The following LONP1 variants were observed in gnomAD, a reference collection of about 807,000 sequenced individuals.
LONP1 encodes lon protease homolog, mitochondrial.
Under a neutral mutation model 98.5 loss-of-function variants are expected in LONP1, and 31 were observed. The ratio of observed to expected loss-of-function variants is 0.31; its 90% CI spans 0.24 to 0.42. The LOEUF (loss-of-function observed/expected upper bound fraction) is 0.42. Ranked by LOEUF, LONP1 falls within the 20% of genes least tolerant of loss-of-function variation. LONP1 has a pLI of 1.00. For synonymous variants in LONP1, 781 were observed against 594.7 expected (o/e 1.31, Z -4.56); for missense variants, 1,336 against 1,350.6 (o/e 0.99, Z 0.17).
chr19:5,694,053 A>G (rs907373561), intron 15 of LONP1, among the ~76,000 whole-genome samples: 1 of 152,158 alleles, frequency 6.6e-6, no homozygotes, highest in Admixed American at 6.5e-5. Flanking sequence ...GACAGACACA[A>G]GCCCTTCTCC....
rs1271373489 is a variant in LONP1, at chr19:5,696,688, G to T, written c.1755C>A (p.Pro585=). The T allele has an allele frequency of 7.4e-6, 12 of 1,613,666 alleles. No individual in the cohort carries two copies. Among genetic ancestry groups the T allele is most frequent in the Non-Finnish European group, 1.0e-5 (12 of 1,179,946 alleles). ...CACGCACCTCGTCGATGAGGATCAG[G>T]GGGTTCTCCGTCTTGGTCTTCTTCA... is the stretch of plus-strand genomic sequence containing the variant. The part of the protein sequence containing the change: ...QCLKKTKTEN[P]LILIDEVDKI... The change falls in exon 11 of 18, where the codon CCC becomes CCA. Residue 585 remains proline (P), a synonymous_variant. Coordinates refer to ENST00000360614, the MANE Select transcript of LONP1 (RefSeq NM_004793.4).
At chr19:5,702,142 G>A (rs549303193) in intron 8 of LONP1, among the ~76,000 whole-genome samples, 22 of 142,538 alleles carry the variant, frequency 1.5e-4, no homozygotes, top group South Asian at 1.4e-3. Context: ...CTGCCCGGCC[G>A]CCCCTACTGG....
chr19:5,697,511 GGGAGAGAAGAGGGA>G (rs1182475910), intron 10 of LONP1, among the ~76,000 whole-genome samples: 2 of 146,074 alleles, frequency 1.4e-5, no homozygotes, highest in African/African-American at 5.1e-5. Flanking sequence ...GGAGGAGGGG[GGGAGAGAAGAGGGA>G]GGAGAGGGGG....
chr19:5,693,276 G>GGGT, intron 17 of LONP1, 22 bp downstream of exon 17: 1 of 1,591,344 alleles, frequency 6.3e-7, no homozygotes, highest in Admixed American at 1.7e-5. Flanking sequence ...CAGTGCTGTG[G>GGGT]GGTGGGTACA....
intron 2 of LONP1, among the ~76,000 whole-genome samples, chr19:5,713,557 T>G (rs1407469816): frequency 6.6e-6 from 1 of 152,176 alleles, no homozygotes; most frequent in Non-Finnish European, 1.5e-5. Flanking sequence ...TTCGAATGCA[T>G]GCATGGAACT....
chr19:5,693,270 G>A (rs2054863571), intron 17 of LONP1, 28 bp downstream of exon 17: 1 of 1,588,288 alleles, frequency 6.3e-7, no homozygotes, highest in Non-Finnish European at 8.6e-7. Flanking sequence ...CCCTGCCAGT[G>A]CTGTGGGGTG....
In LONP1 at chr19:5,707,680, A is replaced by C; in HGVS notation, c.1062+17T>G. ...TGCAGCCAGGCGTGGGGGGCTGTGG[A>C]GGTGACGAGCACTCACATTGGTCTC... On this transcript the variant is annotated intron_variant, in intron 6 of 17. Transcript: ENST00000360614. The C allele has an allele frequency of 1.2e-6, 2 of 1,600,498 alleles. No individual in the cohort carries two copies. The highest frequency in any genetic ancestry group is 1.7e-6 in the Non-Finnish European group (2 of 1,170,580).
intron 1 of LONP1, among the ~76,000 whole-genome samples, chr19:5,715,658 A>T (rs1433123709): frequency 3.5e-5 from 4 of 113,024 alleles, no homozygotes; most frequent in African/African-American, 1.4e-4. Flanking sequence ...AAAAAAAAAA[A>T]AAAAAAAAAA....
intron 1 of LONP1, among the ~76,000 whole-genome samples, chr19:5,716,822 C>G (rs2055332172): frequency 6.6e-6 from 1 of 152,176 alleles, no homozygotes; most frequent in South Asian, 2.1e-4. Flanking sequence ...AAGACAGAGT[C>G]TTGCTCTGTC....
chr19:5,719,738 T>G lies in LONP1; in HGVS notation c.395A>C (p.Asn132Thr). ...PHLPLIAITRNPVFPRFIKII... is the reference protein window; with the variant it reads ...PHLPLIAITRTPVFPRFIKII... ...CTTGATAAAGCGCGGGAACACCGGG[T>G]TGCGGGTGATGGCGATGAGCGGCAG... Residue 132 changes from asparagine (N) to threonine (T), a missense_variant, in exon 1 of 18, where the codon AAC (asparagine) becomes ACC (threonine). Coordinates refer to ENST00000360614, the MANE Select transcript of LONP1 (RefSeq NM_004793.4). 1.2e-6 allele frequency: 2 copies of G among 1,613,728 alleles called. No homozygotes were observed. The highest frequency in any genetic ancestry group is 1.7e-4 in the Middle Eastern group (1 of 6,036).
intron 1 of LONP1, among the ~76,000 whole-genome samples, chr19:5,717,961 C>T (rs914180706): frequency 6.7e-6 from 1 of 149,348 alleles, no homozygotes; most frequent in Non-Finnish European, 1.5e-5. Context: ...GCTCCTGCCT[C>T]AGCCTCCCAA....
At position 5,696,190 on chromosome 19, in the gene LONP1, G is replaced by A. The variant is rs2054924412; in HGVS notation, c.1897-20C>T. 2 of 1,612,812 alleles carry A rather than the reference G, an allele frequency of 1.2e-6. No homozygotes were observed. The highest frequency in any genetic ancestry group is 1.1e-5 in the South Asian group (1 of 91,076). On this transcript the variant is annotated intron_variant, in intron 12 of 17. Coordinates refer to ENST00000360614, the MANE Select transcript of LONP1 (RefSeq NM_004793.4). The stretch of plus-strand genomic sequence containing the variant: ...CAGCACCTGGGGGCGGCGGCAAGGT[G>A]CTGGGGGACTGGCCGCTTACCCTCC...
intron 8 of LONP1, 101 bp downstream of exon 8, chr19:5,705,668 CAAG>C (rs1258514310): frequency 7.3e-6 from 7 of 959,986 alleles, no homozygotes; most frequent in South Asian, 3.0e-5. Flanking sequence ...CCTGCCACAC[CAAG>C]AAGGTGCCAC....
chr19:5,716,580 A>G (rs796206346), intron 1 of LONP1, among the ~76,000 whole-genome samples: 5 of 145,746 alleles, frequency 3.4e-5, no homozygotes, highest in African/African-American at 1.2e-4. Flanking sequence ...GTTCCCAGAA[A>G]AAAAAAAGTC....
intron 8 of LONP1, 109 bp from the exon 9 acceptor site, chr19:5,701,036 G>A (rs1162213121): frequency 4.8e-6 from 6 of 1,261,920 alleles, no homozygotes; most frequent in South Asian, 1.3e-5. Flanking sequence ...GTGTGGGGCT[G>A]AGCGCGGTGG....
intron 8 of LONP1, among the ~76,000 whole-genome samples, chr19:5,701,482 C>T (rs1313160482): frequency 2.6e-5 from 4 of 152,180 alleles, no homozygotes; most frequent in Non-Finnish European, 4.4e-5. Flanking sequence ...AGGCGCGCGC[C>T]GCCACGCCTG....
chr19:5,702,958 A>AT (rs1385784584), intron 8 of LONP1, among the ~76,000 whole-genome samples: 4 of 148,640 alleles, frequency 2.7e-5, no homozygotes, highest in African/African-American at 9.9e-5. Context: ...TCCCTCCACT[A>AT]TTGTCCTATG....
At chr19:5,705,225 G>C (rs1020380269) in intron 8 of LONP1, among the ~76,000 whole-genome samples, 1 of 151,406 alleles carries the variant, frequency 6.6e-6, no homozygotes, top group Non-Finnish European at 1.5e-5. Context: ...GGCAGGTCAA[G>C]GCAGCCGGAT....
intron 9 of LONP1, 59 bp downstream of exon 9, chr19:5,700,730 A>C (rs1599457772): frequency 6.2e-7 from 1 of 1,602,638 alleles, no homozygotes; most frequent in East Asian, 2.2e-5. Flanking sequence ...ACAGCACACA[A>C]GAGTCCTGGG....
Sources: allele counts gnomAD v4.1 joint callset (sites outside exome capture counted in the v4.1 genomes callset), GRCh38; gene constraint gnomAD v4.1.1; transcripts MANE v1.5; gene names NCBI Gene and HGNC (gene_info 2026-07-23, HGNC 2026-07-21).